Variants in XRCC2 observed in about 807,000 individuals in gnomAD.
The protein encoded by XRCC2 is DNA repair protein XRCC2.
A neutral mutation model predicts 27.3 loss-of-function variants in XRCC2; 24 were observed. The ratio of observed to expected loss-of-function variants is 0.88; its 90% CI spans 0.64 to 1.24. The LOEUF (loss-of-function observed/expected upper bound fraction) is 1.24. Ranked by LOEUF, XRCC2 falls within the 50% of genes most tolerant of loss-of-function variation. XRCC2 has a pLI of 0.00. For missense variants in XRCC2, 321 were observed against 325.8 expected (o/e 0.99, Z 0.11); for synonymous variants, 106 against 115.4 (o/e 0.92, Z 0.52).
chr7:152,655,447 G>A (rs1006523547), intron 2 of XRCC2, among the ~76,000 whole-genome samples: 15 of 152,200 alleles, frequency 9.9e-5, no homozygotes, highest in African/African-American at 3.6e-4. Flanking sequence ...GGTGGTTCAC[G>A]CCCATAATCC....
chr7:152,674,765 TATA>T (rs1563035396), intron 1 of XRCC2, among the ~76,000 whole-genome samples: 3 of 140,174 alleles, frequency 2.1e-5, no homozygotes, highest in African/African-American at 8.0e-5. Flanking sequence ...ATATATTATA[TATA>T]AATATATTTT....
rs1563024318 is a variant in XRCC2 at position 152,645,267 on chromosome 7, CTTT to C, written c.*3372_*3374del. The C allele has an allele frequency of 6.6e-6, 1 of 151,498 alleles. No homozygotes were observed. Among genetic ancestry groups the C allele is most frequent in the Non-Finnish European group, 1.5e-5 (1 of 67,878 alleles). The allele number at this position is 151,498 out of a possible 1,614,324, so 9.4% of individuals were successfully genotyped here. The stretch of plus-strand genomic sequence containing the variant: ...TTATATATATTTAAAATTCCATTTT[CTTT>C]TTTAAAATTTATTTTTATAGAGACA... On this transcript the variant is annotated 3_prime_UTR_variant, in exon 3 of 3. Transcript: ENST00000359321.
At position 152,646,783 on chromosome 7, in the gene XRCC2, G is replaced by C. The variant is rs2098026149; in HGVS notation, c.*1859C>G. ...TGAGCCACCACGCCCAGTCAGTCTT[G>C]TTCCTTTTTATGGCTGTATAGTATT... On this transcript the variant is annotated 3_prime_UTR_variant, in exon 3 of 3. Coordinates refer to ENST00000359321, the MANE Select transcript of XRCC2 (RefSeq NM_005431.2). The C allele has an allele frequency of 6.6e-6, 1 of 152,176 alleles. No individual in the cohort carries two copies. The highest frequency in any genetic ancestry group is 1.5e-5 in the Non-Finnish European group (1 of 68,070). The allele number at this position is 152,176 out of a possible 1,614,324, so 9.4% of individuals were successfully genotyped here.
At chr7:152,655,297 C>A (rs1235339132) in intron 2 of XRCC2, among the ~76,000 whole-genome samples, 1 of 152,148 alleles carries the variant, frequency 6.6e-6, no homozygotes, top group Non-Finnish European at 1.5e-5. Context: ...CATCTTGGTA[C>A]CAGCCTACCA....
intron 1 of XRCC2, among the ~76,000 whole-genome samples, chr7:152,665,085 C>CA (rs1425865165): frequency 5.3e-5 from 8 of 152,076 alleles, no homozygotes; most frequent in Non-Finnish European, 1.2e-4. Context: ...GGCAATTAGC[C>CA]AGCAGCCCAT....
Position 152,649,533 on chromosome 7 carries a change from T to C in XRCC2, c.122-170A>G, listed in dbSNP as rs3218535. Among the ~76,000 whole-genome samples the C allele has an allele frequency of 0.014, 2,191 of 152,212 alleles. 46 individuals are homozygous for C. Among genetic ancestry groups the C allele is most frequent in the African/African-American group, 0.049 (2,018 of 41,534 alleles). ...AAGCAAATACAATAAATAAGGAAATTAGAGCCTGGTGGGAAGGTTGGAAGA... is the reference window on the plus strand; with the variant it reads ...AAGCAAATACAATAAATAAGGAAATCAGAGCCTGGTGGGAAGGTTGGAAGA... On this transcript the variant is annotated intron_variant, in intron 2 of 2. Coordinates refer to ENST00000359321, the MANE Select transcript of XRCC2 (RefSeq NM_005431.2).
chr7:152,667,508 G>C (rs3218426), intron 1 of XRCC2, among the ~76,000 whole-genome samples: 9,066 of 151,334 alleles, frequency 0.06, 566 homozygotes, highest in Admixed American at 0.19. Context: ...ACAAGGATTA[G>C]GCAATCTGCA....
intron 1 of XRCC2, among the ~76,000 whole-genome samples, chr7:152,669,049 G>A (rs542236349): frequency 6.6e-6 from 1 of 152,202 alleles, no homozygotes; most frequent in South Asian, 2.1e-4. Context: ...AATCAAATAT[G>A]AGTACAAGGA....
chr7:152,659,517 G>T (rs577659457), intron 2 of XRCC2, among the ~76,000 whole-genome samples: 4 of 152,256 alleles, frequency 2.6e-5, no homozygotes, highest in Non-Finnish European at 4.4e-5. Flanking sequence ...TTTCTTCAAA[G>T]ATATACAATT....
chr7:152,654,778 C>T (rs760404799), intron 2 of XRCC2, among the ~76,000 whole-genome samples: 10 of 152,154 alleles, frequency 6.6e-5, no homozygotes, highest in African/African-American at 2.2e-4. Flanking sequence ...TTCTTTTACA[C>T]ATTAATAGCA....
chr7:152,670,565 T>C (rs1291185878), intron 1 of XRCC2, among the ~76,000 whole-genome samples: 1 of 151,964 alleles, frequency 6.6e-6, no homozygotes, highest in African/African-American at 2.4e-5. Context: ...TTTTAGGGCA[T>C]CAGTATATCG....
At chr7:152,662,335 G>C (rs2098033472) in intron 1 of XRCC2, among the ~76,000 whole-genome samples, 1 of 151,910 alleles carries the variant, frequency 6.6e-6, no homozygotes, top group Non-Finnish European at 1.5e-5. Context: ...AAAACCATAC[G>C]TGGAGAGAGG....
At chr7:152,656,130 A>C (rs963538102) in intron 2 of XRCC2, among the ~76,000 whole-genome samples, 11 of 152,216 alleles carry the variant, frequency 7.2e-5, no homozygotes, top group African/African-American at 2.7e-4. Context: ...TGATGGGTTG[A>C]TAGGCGCAGC....
chr7:152,657,960 G>GTTTTTTTTTTGT (rs1554411414), intron 2 of XRCC2, among the ~76,000 whole-genome samples: 8 of 136,228 alleles, frequency 5.9e-5, no homozygotes, highest in African/African-American at 1.7e-4. Context: ...TTTTGTCTTT[G>GTTTTTTTTTTGT]TTTTTTTTTT....
chr7:152,653,938 G>C (rs2098029619), intron 2 of XRCC2, among the ~76,000 whole-genome samples: 1 of 152,160 alleles, frequency 6.6e-6, no homozygotes, highest in Non-Finnish European at 1.5e-5. Context: ...GCTCACGCCT[G>C]TAATCCCAGT....
intron 2 of XRCC2, among the ~76,000 whole-genome samples, chr7:152,658,740 T>C (rs182136114): frequency 6.6e-5 from 10 of 152,368 alleles, no homozygotes; most frequent in Admixed American, 3.9e-4. Flanking sequence ...TTCATCCACG[T>C]TGTAGCACGT....
At chr7:152,662,206 T>A (rs960999642) in intron 1 of XRCC2, among the ~76,000 whole-genome samples, 1 of 152,116 alleles carries the variant, frequency 6.6e-6, no homozygotes, top group African/African-American at 2.4e-5. Flanking sequence ...CCTCAAATGA[T>A]CCGCTCCCAT....
In XRCC2 at chr7:152,647,756, CGT is replaced by C. The variant is rs1460873712; in HGVS notation, c.*884_*885del. ...TTCTCTATTCTGTTCCATCAGTCTA[CGT>C]GTGTTTTTGTGCCAGTACTATGCTG... On this transcript the variant is annotated 3_prime_UTR_variant, in exon 3 of 3. Coordinates refer to ENST00000359321, the MANE Select transcript of XRCC2 (RefSeq NM_005431.2). 15 of 152,202 alleles carry C rather than the reference CGT, an allele frequency of 9.9e-5. No homozygotes were observed. In the East Asian group the frequency reaches 2.7e-3, roughly 27 times the overall value. 9.4% of individuals were successfully genotyped at this position (152,202 alleles called of 1,614,324 possible).
intron 1 of XRCC2, among the ~76,000 whole-genome samples, chr7:152,669,474 T>C (rs1221083533): frequency 1.3e-5 from 2 of 152,110 alleles, no homozygotes; most frequent in Non-Finnish European, 2.9e-5. Context: ...AGAGGCACAA[T>C]CTCGGCTCAC....
Sources: gnomAD v4.1 joint callset for allele counts (sites outside exome capture counted in the v4.1 genomes callset) on GRCh38, gnomAD v4.1.1 for gene constraint, MANE v1.5 for transcripts, NCBI Gene and HGNC (gene_info 2026-07-23, HGNC 2026-07-21) for gene names.